SEMA3C: variants seen among roughly 807,000 people sequenced by gnomAD.
The protein encoded by SEMA3C is semaphorin-3C.
Under a neutral mutation model 89.4 loss-of-function variants are expected in SEMA3C, and 47 were observed. The observed-to-expected ratio is 0.53, with a 90% CI of 0.42 to 0.67. The LOEUF is 0.67. Ranked by LOEUF, SEMA3C falls within the 30% of genes least tolerant of loss-of-function variation. The pLI is 0.00. For synonymous variants in SEMA3C, 310 were observed against 320.2 expected (o/e 0.97, Z 0.34); for missense variants, 839 against 929.1 (o/e 0.90, Z 1.26).
At chr7:80,855,534 CA>C (rs1283943838) in intron 2 of SEMA3C, among the ~76,000 whole-genome samples, 1 of 152,132 alleles carries the variant, frequency 6.6e-6, no homozygotes, top group African/African-American at 2.4e-5. Flanking sequence ...CCTCCCACAG[CA>C]CTGGGATTAC....
intron 2 of SEMA3C, among the ~76,000 whole-genome samples, chr7:80,877,484 G>A (rs1428922814): frequency 6.6e-6 from 1 of 152,000 alleles, no homozygotes; most frequent in Non-Finnish European, 1.5e-5. Context: ...ATTAATCTCT[G>A]TAAAGATTAA....
chr7:80,775,166 T>A lies in SEMA3C; in HGVS notation c.1355-9923A>T, dbSNP rs75653127. The stretch of plus-strand genomic sequence containing the variant: ...AATCAATAAAAGCATGGAAATTTTG[T>A]TGCCTGCAGACCTCCTGCATTTGGA... On this transcript the variant is annotated intron_variant, in intron 12 of 17. Transcript: ENST00000265361. Among the ~76,000 whole-genome samples the A allele has an allele frequency of 6.1e-4, 92 of 150,846 alleles. No homozygotes were observed. The East Asian group carries it at 0.018, about 29-fold the overall frequency.
intron 2 of SEMA3C, among the ~76,000 whole-genome samples, chr7:80,863,968 TATATATCAC>T (rs1164204389): frequency 7.2e-5 from 10 of 139,798 alleles, no homozygotes; most frequent in East Asian, 4.0e-4. Flanking sequence ...GTATATCACA[TATATATCAC>T]ATATATCACA....
At chr7:80,896,242 A>T (rs933538580) in intron 2 of SEMA3C, among the ~76,000 whole-genome samples, 1 of 152,204 alleles carries the variant, frequency 6.6e-6, no homozygotes, top group Admixed American at 6.5e-5. Context: ...AACTGATTCC[A>T]TTGTATAGAA....
chr7:80,785,102 T>A (rs1406391946), intron 12 of SEMA3C, among the ~76,000 whole-genome samples: 1 of 152,126 alleles, frequency 6.6e-6, no homozygotes, highest in African/African-American at 2.4e-5. Context: ...CAAAAAATAA[T>A]CTGATGCAGT....
At chr7:80,839,528 A>C (rs1392462788) in intron 2 of SEMA3C, among the ~76,000 whole-genome samples, 4 of 152,324 alleles carry the variant, frequency 2.6e-5, no homozygotes, top group South Asian at 4.1e-4. Context: ...TGTCATTAAA[A>C]ATTTTTTTTG....
At chr7:80,814,098 T>C (rs1789540493) in intron 5 of SEMA3C, among the ~76,000 whole-genome samples, 2 of 151,332 alleles carry the variant, frequency 1.3e-5, no homozygotes, top group African/African-American at 2.4e-5. Flanking sequence ...TTTCTTTTTT[T>C]TTTTATTTAA....
chr7:80,876,365 GTT>G (rs925699638), intron 2 of SEMA3C, among the ~76,000 whole-genome samples: 3 of 152,120 alleles, frequency 2.0e-5, no homozygotes, highest in Non-Finnish European at 2.9e-5. Flanking sequence ...CAGGTTGAGT[GTT>G]TTAAAGAGGT....
intron 2 of SEMA3C, chr7:80,905,930 A>G (rs950052205): frequency 7.9e-7 from 1 of 1,265,302 alleles, no homozygotes; most frequent in Non-Finnish European, 1.0e-6. Flanking sequence ...GAAAAGAGTC[A>G]TGGAATTGAA....
At chr7:80,828,091 G>A (rs1352866194) in intron 3 of SEMA3C, among the ~76,000 whole-genome samples, 1 of 152,022 alleles carries the variant, frequency 6.6e-6, no homozygotes, top group African/African-American at 2.4e-5. Flanking sequence ...AAATGCAGAA[G>A]TCTCCTTGTT....
rs562083867 is a variant in SEMA3C, at chr7:80,884,862, G to A, written c.103+31817C>T. Among the ~76,000 whole-genome samples, 8 of 152,244 alleles carry A rather than the reference G, an allele frequency of 5.3e-5. No homozygotes were observed. In the South Asian group the frequency reaches 1.7e-3, roughly 32 times the overall value. ...AACCAGGTTGTGATAATATGTTGAC[G>A]GTGTAGGAACACTGTGTAAAGAACT... On this transcript the variant is annotated intron_variant, in intron 2 of 17. Coordinates refer to ENST00000265361, the MANE Select transcript of SEMA3C (RefSeq NM_006379.5).
At chr7:80,755,690 T>C (rs966053319) in intron 15 of SEMA3C, among the ~76,000 whole-genome samples, 6 of 152,094 alleles carry the variant, frequency 3.9e-5, no homozygotes, top group Middle Eastern at 3.4e-3. Flanking sequence ...GCTAAGTAAA[T>C]AGTATCACCT....
At chr7:80,776,788 A>G (rs1379629485) in intron 12 of SEMA3C, among the ~76,000 whole-genome samples, 3 of 152,190 alleles carry the variant, frequency 2.0e-5, no homozygotes, top group African/African-American at 7.2e-5. Context: ...GCTGGAAAAT[A>G]ATTGCATGCA....
At chr7:80,809,641 T>C (rs1187263525) in intron 6 of SEMA3C, among the ~76,000 whole-genome samples, 2 of 152,198 alleles carry the variant, frequency 1.3e-5, no homozygotes, top group Non-Finnish European at 2.9e-5. Context: ...TGGTATTTCA[T>C]TGTCTATACT....
chr7:80,859,145 C>T (rs895208017), intron 2 of SEMA3C, among the ~76,000 whole-genome samples: 4 of 150,012 alleles, frequency 2.7e-5, no homozygotes, highest in South Asian at 2.1e-4. Flanking sequence ...AAAAAAAGAA[C>T]GGTGTGTGTG....
chr7:80,789,480 G>A lies in SEMA3C; in HGVS notation c.1180C>T (p.Pro394Ser). 4 of 1,613,894 alleles carry A rather than the reference G, an allele frequency of 2.5e-6. No individual in the cohort carries two copies. The highest frequency in any genetic ancestry group is 3.4e-6 in the Non-Finnish European group (4 of 1,179,932). The stretch of plus-strand genomic sequence containing the variant: ...CGAATAAAAGTGACAACATCATCTG[G>A]GAACTCCTTGGTGGTTCGCATATTG... ...TPNMRTTKEF[P>S]DDVVTFIRNH... The change falls in exon 12 of 18, where the codon CCA (proline) becomes TCA (serine). Residue 394 changes from proline to serine, a missense_variant. By Grantham distance (74) the Pro-to-Ser change is moderately conservative (BLOSUM62 -1). Transcript: ENST00000265361.
At chr7:80,912,774 C>T (rs982321418) in intron 2 of SEMA3C, among the ~76,000 whole-genome samples, 13 of 152,210 alleles carry the variant, frequency 8.5e-5, no homozygotes, top group African/African-American at 2.9e-4. Flanking sequence ...CCAAGATTAA[C>T]GGAGAAATCA....
chr7:80,881,368 G>C (rs1012732278), intron 2 of SEMA3C, among the ~76,000 whole-genome samples: 7 of 152,016 alleles, frequency 4.6e-5, no homozygotes, highest in African/African-American at 1.7e-4. Context: ...TAAGTTATAT[G>C]GAAATTTGCA....
intron 5 of SEMA3C, among the ~76,000 whole-genome samples, chr7:80,814,081 TTTC>T (rs1303422217): frequency 7.2e-6 from 1 of 138,732 alleles, no homozygotes; most frequent in South Asian, 2.2e-4. Flanking sequence ...TCCTTTTTTT[TTTC>T]TTTTTTCTTT....
Sources: allele counts gnomAD v4.1 joint callset (sites outside exome capture counted in the v4.1 genomes callset), GRCh38; gene constraint gnomAD v4.1.1; transcripts MANE v1.5; gene names NCBI Gene and HGNC (gene_info 2026-07-23, HGNC 2026-07-21).